ARHGEF28: variants seen among roughly 807,000 people sequenced by gnomAD.
ARHGEF28 encodes Rho guanine nucleotide exchange factor 28.
In ARHGEF28, 152 loss-of-function variants were observed where a neutral mutation model predicts 206.6. The observed-to-expected ratio is 0.74, with a 90% confidence interval of 0.64 to 0.84. The LOEUF (loss-of-function observed/expected upper bound fraction) is 0.84. ARHGEF28 is among the 40% of genes least tolerant of loss of function. The probability of loss-of-function intolerance (pLI) is 0.00; values close to 1 mark genes in which losing one functional copy is unlikely to be tolerated. For missense variants in ARHGEF28, 2,028 were observed against 2,073.2 expected (o/e 0.98, Z 0.42); for synonymous variants, 763 against 776.4 (o/e 0.98, Z 0.29).
intron 2 of ARHGEF28, among the ~76,000 whole-genome samples, chr5:73,716,391 A>G (rs916182591): frequency 6.6e-6 from 1 of 152,204 alleles, no homozygotes; most frequent in African/African-American, 2.4e-5. Flanking sequence ...CACCTGTTAC[A>G]TAGCCTGTTG....
rs770989179 is a variant in ARHGEF28 at position 73,832,372 on chromosome 5, GC to G, written c.1062del (p.Ser355ArgfsTer13). 6 of 1,612,336 alleles carry G rather than the reference GC, an allele frequency of 3.7e-6. No homozygotes were observed. In the East Asian group the frequency reaches 8.9e-5, roughly 24 times the overall value. On this transcript the variant is annotated frameshift_variant, in exon 10 of 36. Coordinates refer to ENST00000513042, the MANE Select transcript of ARHGEF28 (RefSeq NM_001177693.2). LOFTEE classifies it high-confidence loss of function. ...SFDILKKSKP[P>X]STLLAAGRLS... is the part of the protein sequence containing the mutation. Reference sequence around the variant, plus strand: ...TCGATATCCTAAAAAAATCCAAGCCGCCCTCGACATTGCTTGCTGCAGGCCG... The same window carrying G: ...TCGATATCCTAAAAAAATCCAAGCCGCCTCGACATTGCTTGCTGCAGGCCG...
intron 1 of ARHGEF28, among the ~76,000 whole-genome samples, chr5:73,649,786 T>A (rs899863943): frequency 5.9e-5 from 9 of 152,212 alleles, no homozygotes; most frequent in South Asian, 2.1e-4. Flanking sequence ...GACAGAAATC[T>A]GTTCCTCCAT....
intron 27 of ARHGEF28, 27 bp downstream of exon 27, chr5:73,892,257 A>G (rs1477367777): frequency 1.9e-6 from 3 of 1,548,344 alleles, no homozygotes; most frequent in Middle Eastern, 1.7e-4. Flanking sequence ...TCCATAATCT[A>G]TGGAACAGAG....
chr5:73,728,250 T>G (rs1163511086), intron 2 of ARHGEF28, among the ~76,000 whole-genome samples: 1 of 152,182 alleles, frequency 6.6e-6, no homozygotes, highest in African/African-American at 2.4e-5. Context: ...TGGAAAGCCT[T>G]CTTATTTTTA....
Position 73,626,278 on chromosome 5 carries a change from C to CAG in ARHGEF28, c.-53_-52dup, listed in dbSNP as rs1266034377. On this transcript the variant is annotated 5_prime_UTR_variant, in exon 1 of 36. Coordinates refer to ENST00000513042, the MANE Select transcript of ARHGEF28 (RefSeq NM_001177693.2). ...GGCGCCCTCAGGCAGGGCGCGGGGG[C>CAG]AGAGCCTCGCCTGGGTTCTGGAGGC... The CAG allele has an allele frequency of 1.3e-5, 2 of 152,164 alleles. No individual in the cohort carries two copies. Among genetic ancestry groups the CAG allele is most frequent in the Non-Finnish European group, 2.9e-5 (2 of 68,090 alleles). The allele number at this position is 152,164 out of a possible 1,614,324, so 9.4% of individuals were successfully genotyped here. A position where few individuals can be genotyped will look rare whatever the true frequency, so the allele number is the denominator to read the frequency against.
chr5:73,626,537 C>A (rs1288921359), intron 1 of ARHGEF28, among the ~76,000 whole-genome samples: 2 of 151,856 alleles, frequency 1.3e-5, no homozygotes, highest in African/African-American at 4.8e-5. Flanking sequence ...GTGGAGAGGG[C>A]GGCGCAGCCT....
intron 35 of ARHGEF28, among the ~76,000 whole-genome samples, chr5:73,940,217 C>A (rs1004844654): frequency 3.3e-5 from 5 of 152,156 alleles, no homozygotes; most frequent in Non-Finnish European, 7.3e-5. Context: ...TACACAGTGT[C>A]CTGCTGTTGC....
chr5:73,653,062 T>C (rs1744933780), intron 1 of ARHGEF28, among the ~76,000 whole-genome samples: 1 of 152,214 alleles, frequency 6.6e-6, no homozygotes, highest in Non-Finnish European at 1.5e-5. Flanking sequence ...TGTTGGTCAA[T>C]AGCTCTATTT....
At chr5:73,643,864 C>T (rs1182511447) in intron 1 of ARHGEF28, among the ~76,000 whole-genome samples, 2 of 151,806 alleles carry the variant, frequency 1.3e-5, no homozygotes, top group Admixed American at 6.6e-5. Flanking sequence ...TCACGATTAC[C>T]ATGCATTTTA....
chr5:73,821,166 G>A (rs1289881482), intron 9 of ARHGEF28, among the ~76,000 whole-genome samples: 4 of 152,050 alleles, frequency 2.6e-5, no homozygotes, highest in Admixed American at 2.6e-4. Context: ...AATGAAACAG[G>A]ATTCAGGAAT....
chr5:73,883,770 C>A lies in ARHGEF28; in HGVS notation c.2941C>A (p.Arg981=). Residue 981 remains arginine, a synonymous_variant, in exon 24 of 36, where the codon CGA becomes AGA. Transcript: ENST00000513042. ...ATAAAAGTATATATTTTTTAAGCTC[C>A]GAAATAGTAATCTTTTGGCTCGACG... ...NKKFQNFIKL[R]NSNLLARRRG... is the part of the protein sequence containing the mutation. The A allele has an allele frequency of 6.5e-7, 1 of 1,540,962 alleles. No homozygotes were observed. The highest frequency in any genetic ancestry group is 2.4e-5 in the East Asian group (1 of 41,110).
At chr5:73,780,994 C>T (rs997367453) in intron 7 of ARHGEF28, among the ~76,000 whole-genome samples, 4 of 152,164 alleles carry the variant, frequency 2.6e-5, no homozygotes, top group African/African-American at 7.2e-5. Flanking sequence ...CAGGTCCTCT[C>T]GCATTCCTGA....
At chr5:73,764,892 C>T (rs903757467) in intron 4 of ARHGEF28, among the ~76,000 whole-genome samples, 1 of 152,164 alleles carries the variant, frequency 6.6e-6, no homozygotes, top group East Asian at 1.9e-4. Context: ...TAAGGCACAA[C>T]CCTTTTCTCA....
At chr5:73,937,415 T>A (rs1184514764) in intron 35 of ARHGEF28, among the ~76,000 whole-genome samples, 1 of 152,196 alleles carries the variant, frequency 6.6e-6, no homozygotes, top group East Asian at 1.9e-4. Flanking sequence ...TTTGGGGCTT[T>A]TATGTGTTTT....
chr5:73,925,304 C>T (rs1322409666), intron 35 of ARHGEF28, among the ~76,000 whole-genome samples: 1 of 152,122 alleles, frequency 6.6e-6, no homozygotes. Flanking sequence ...GAATTCTGTT[C>T]ATTGTGTGGA....
At chr5:73,739,381 A>T (rs1751220668) in intron 2 of ARHGEF28, among the ~76,000 whole-genome samples, 2 of 152,232 alleles carry the variant, frequency 1.3e-5, no homozygotes, top group South Asian at 4.1e-4. Context: ...AATGTTTATG[A>T]ACTCCCAACA....
intron 7 of ARHGEF28, among the ~76,000 whole-genome samples, chr5:73,784,692 C>T (rs1185473412): frequency 1.3e-5 from 2 of 152,140 alleles, no homozygotes; most frequent in African/African-American, 4.8e-5. Context: ...CTAGTGGATA[C>T]CTGCAACCCT....
At chr5:73,907,055 T>C (rs148558130) in intron 33 of ARHGEF28, among the ~76,000 whole-genome samples, 3,366 of 152,362 alleles carry the variant, frequency 0.022, 45 homozygotes, top group Middle Eastern at 0.037. Context: ...ACAGTGGTAA[T>C]AGCAAGCTCT....
chr5:73,741,563 G>T (rs1174479800), intron 2 of ARHGEF28, among the ~76,000 whole-genome samples: 2 of 150,746 alleles, frequency 1.3e-5, no homozygotes, highest in Non-Finnish European at 2.9e-5. Context: ...GGGATTATAG[G>T]TGTGCGCCAC....
Sources: gnomAD v4.1 joint callset for allele counts (sites outside exome capture counted in the v4.1 genomes callset) on GRCh38, gnomAD v4.1.1 for gene constraint, MANE v1.5 for transcripts, NCBI Gene and HGNC (gene_info 2026-07-23, HGNC 2026-07-21) for gene names.